Variants in UCHL1 observed in about 807,000 individuals in gnomAD.
UCHL1 encodes ubiquitin carboxyl-terminal hydrolase isozyme L1.
A neutral mutation model predicts 33.3 loss-of-function variants in UCHL1; 5 were observed. That is an observed-to-expected ratio of 0.15 (90% confidence interval 0.08 to 0.32). The LOEUF is 0.32. Among genes scored for constraint, UCHL1 ranks in the 10% least tolerant of loss-of-function variants. UCHL1 has a pLI of 1.00. For synonymous variants in UCHL1, 132 were observed against 108.8 expected (o/e 1.21, Z -1.33); for missense variants, 236 against 280.0 (o/e 0.84, Z 1.12).
chr4:41,261,794 G>T lies in UCHL1; in HGVS notation c.405G>T (p.Lys135Asn). ...SPEDRAKCFE[K>N]NEAIQAAHDA... ...AAGACAGAGCAAAATGCTTTGAAAA[G>T]AATGAGGTAAGAGAACTTACAGAGC... Residue 135 changes from lysine to asparagine, a missense_variant, in exon 5 of 9, where the codon AAG (lysine) becomes AAT (asparagine). Transcript: ENST00000284440. 6.2e-7 allele frequency: 1 copy of T among 1,614,084 alleles called. No homozygotes were observed. The highest frequency in any genetic ancestry group is 1.1e-5 in the South Asian group (1 of 91,082).
At chr4:41,267,267 G>A (rs754934602) in intron 8 of UCHL1, among the ~76,000 whole-genome samples, 4 of 151,258 alleles carry the variant, frequency 2.6e-5, no homozygotes, top group Non-Finnish European at 4.4e-5. Context: ...TTTCTGAGAC[G>A]GAGTCTCGCT....
At chr4:41,257,254 G>C in intron 2 of UCHL1, 128 bp downstream of exon 2, 4 of 1,443,298 alleles carry the variant, frequency 2.8e-6, no homozygotes, top group Non-Finnish European at 3.7e-6. Flanking sequence ...CCGGGCTGGG[G>C]CGTGGGCTGG....
At chr4:41,260,139 C>T (rs550563746) in intron 3 of UCHL1, among the ~76,000 whole-genome samples, 1 of 152,282 alleles carries the variant, frequency 6.6e-6, no homozygotes, top group South Asian at 2.1e-4. Flanking sequence ...TTCTTTTCAG[C>T]AGTTAAGGCC....
chr4:41,260,286 G>C (rs1561080382), intron 3 of UCHL1, among the ~76,000 whole-genome samples: 1 of 152,198 alleles, frequency 6.6e-6, no homozygotes, highest in Non-Finnish European at 1.5e-5. Context: ...ATGTGAAATA[G>C]TTGTTAAGTG....
At chr4:41,262,787 G>A (rs1781093526) in intron 6 of UCHL1, among the ~76,000 whole-genome samples, 2 of 152,088 alleles carry the variant, frequency 1.3e-5, no homozygotes, top group Non-Finnish European at 2.9e-5. Flanking sequence ...TATATTTTTT[G>A]TAGAGATGGG....
chr4:41,263,388 A>G (rs754972784), intron 7 of UCHL1, 97 bp downstream of exon 7: 16 of 1,192,574 alleles, frequency 1.3e-5, no homozygotes, highest in Non-Finnish European at 2.0e-5. Context: ...GGCACTTGGC[A>G]TATCATTGTT....
intron 8 of UCHL1, 103 bp downstream of exon 8, chr4:41,264,264 G>T: frequency 3.4e-6 from 5 of 1,469,282 alleles, no homozygotes; most frequent in South Asian, 2.3e-5. Flanking sequence ...AGCATCAGTT[G>T]CCTGGGTTAA....
At chr4:41,267,306 C>T (rs1259277452) in intron 8 of UCHL1, among the ~76,000 whole-genome samples, 2 of 152,046 alleles carry the variant, frequency 1.3e-5, no homozygotes, top group Non-Finnish European at 2.9e-5. Flanking sequence ...TGTAGTGGCG[C>T]GATCTCGCCT....
intron 3 of UCHL1, among the ~76,000 whole-genome samples, chr4:41,258,963 C>G (rs1781027727): frequency 1.3e-5 from 2 of 152,154 alleles, no homozygotes; most frequent in South Asian, 4.2e-4. Flanking sequence ...TTAGAGCAAC[C>G]ATGATGACTC....
Position 41,257,725 on chromosome 4 carries a change from C to A in UCHL1, c.162C>A (p.Pro54=). Reference sequence around the variant, plus strand: ...CCTGCGCGCTGCTGCTGCTGTTTCCCCTCACGGCCCAGGTAGGGCGTGGGG... The same window carrying A: ...CCTGCGCGCTGCTGCTGCTGTTTCCACTCACGGCCCAGGTAGGGCGTGGGG... The part of the protein sequence containing the change: ...APACALLLLF[P]LTAQHENFRK... Residue 54 remains proline, a synonymous_variant, in exon 3 of 9, where the codon CCC becomes CCA. Coordinates refer to ENST00000284440, the MANE Select transcript of UCHL1 (RefSeq NM_004181.5). The A allele has an allele frequency of 6.3e-7, 1 of 1,579,126 alleles. No homozygotes were observed. The highest frequency in any genetic ancestry group is 1.2e-5 in the South Asian group (1 of 86,672).
chr4:41,267,302 G>A (rs1307115603), intron 8 of UCHL1, among the ~76,000 whole-genome samples: 1 of 151,970 alleles, frequency 6.6e-6, no homozygotes, highest in African/African-American at 2.4e-5. Context: ...GGAGTGTAGT[G>A]GCGCGATCTC....
intron 4 of UCHL1, among the ~76,000 whole-genome samples, chr4:41,261,126 G>A (rs1162140449): frequency 1.3e-5 from 2 of 152,130 alleles, no homozygotes; most frequent in East Asian, 3.9e-4. Context: ...TCAGTGGTTA[G>A]CCAGTCAGAT....
In UCHL1 at chr4:41,261,724, C is replaced by A; in HGVS notation, c.335C>A (p.Ser112Ter). 1 of 1,612,086 alleles carries A rather than the reference C, an allele frequency of 6.2e-7. No homozygotes were observed. Among genetic ancestry groups the A allele is most frequent in the South Asian group, 1.1e-5 (1 of 90,978 alleles). Residue 112 changes from serine (S) to a stop codon, truncating the protein, a stop_gained, in exon 5 of 9, where the codon TCA becomes TAA. Transcript: ENST00000284440. LOFTEE classifies it high-confidence loss of function. ...CCATTTTTTTTTTAAGAGGATGGAT[C>A]AGTTCTGAAACAGTTTCTTTCTGAA... ...NQDKLGFEDG[S>*]VLKQFLSETE...
chr4:41,259,827 G>A lies in UCHL1; in HGVS notation c.175-820G>A, dbSNP rs892364520. Among the ~76,000 whole-genome samples, 68 of 152,140 alleles carry A rather than the reference G, an allele frequency of 4.5e-4. 2 individuals carry two copies. Among genetic ancestry groups the A allele is most frequent in the Admixed American group, 1.3e-4 (2 of 15,266 alleles). On this transcript the variant is annotated intron_variant, in intron 3 of 8. Transcript: ENST00000284440. ...TTATAGGTGCAAGCCACTGACCCTG[G>A]CTCAAGAAATCATAACTTCTAAGGT...
chr4:41,266,172 T>A (rs938653691), intron 8 of UCHL1, among the ~76,000 whole-genome samples: 7 of 150,862 alleles, frequency 4.6e-5, no homozygotes, highest in Non-Finnish European at 8.8e-5. Flanking sequence ...TCTTCCTGCC[T>A]CAGCTTCCCA....
chr4:41,262,594 A>C (rs1781089446), intron 6 of UCHL1, among the ~76,000 whole-genome samples: 1 of 151,952 alleles, frequency 6.6e-6, no homozygotes, highest in Admixed American at 6.6e-5. Flanking sequence ...CCTCTGAGTC[A>C]GCTGCTAAAT....
chr4:41,268,358 G>A lies in UCHL1; in HGVS notation c.*285G>A. On this transcript the variant is annotated 3_prime_UTR_variant, in exon 9 of 9. Coordinates refer to ENST00000284440, the MANE Select transcript of UCHL1 (RefSeq NM_004181.5). The stretch of plus-strand genomic sequence containing the variant: ...TAAATGGCTACTTTGGTTTCTGTCT[G>A]TAAGTTAAGACCTTGGATGTGGTTT... 4.1e-6 allele frequency: 2 copies of A among 486,106 alleles called. No individual in the cohort carries two copies. The highest frequency in any genetic ancestry group is 7.4e-6 in the Non-Finnish European group (2 of 270,568). The allele number at this position is 486,106 out of a possible 1,614,324, so 30.1% of individuals were successfully genotyped here.
At position 41,263,972 on chromosome 4, in the gene UCHL1, C is replaced by G. The variant is rs3756001; in HGVS notation, c.527-131C>G. 237,012 of 1,170,072 alleles carry G rather than the reference C, an allele frequency of 0.2. 28,637 individuals carry two copies. Among genetic ancestry groups the G allele is most frequent in the East Asian group, 0.52 (21,782 of 42,154 alleles). The allele number at this position is 1,170,072 out of a possible 1,614,324, so 72.5% of individuals were successfully genotyped here. A position where few individuals can be genotyped will look rare whatever the true frequency, so the allele number is the denominator to read the frequency against. On this transcript the variant is annotated intron_variant, in intron 7 of 8. Coordinates refer to ENST00000284440, the MANE Select transcript of UCHL1 (RefSeq NM_004181.5). Reference sequence around the variant, plus strand: ...GAACCTCATTTGCAGCCTCTTGCTTCATAACCAGGCTTCCTTCTGTGGGTT... The same window carrying G: ...GAACCTCATTTGCAGCCTCTTGCTTGATAACCAGGCTTCCTTCTGTGGGTT...
intron 8 of UCHL1, among the ~76,000 whole-genome samples, chr4:41,267,198 C>T (rs1353184971): frequency 6.6e-6 from 1 of 151,562 alleles, no homozygotes; most frequent in Non-Finnish European, 1.5e-5. Flanking sequence ...CCATGCTTGT[C>T]TGTACCTAGA....
Sources: allele counts gnomAD v4.1 joint callset (sites outside exome capture counted in the v4.1 genomes callset), GRCh38; gene constraint gnomAD v4.1.1; transcripts MANE v1.5; gene names NCBI Gene and HGNC (gene_info 2026-07-23, HGNC 2026-07-21).